Variants in USP49 observed in about 807,000 individuals in gnomAD.
USP49 encodes ubiquitin carboxyl-terminal hydrolase 49.
USP49 carries 24 observed loss-of-function variants against 58.6 expected under a neutral mutation model. The ratio of observed to expected loss-of-function variants is 0.41; its 90% CI spans 0.30 to 0.58. The LOEUF is 0.58. Ranked by LOEUF, USP49 falls within the 20% of genes least tolerant of loss-of-function variation. The pLI is 0.30. For missense variants in USP49, 703 were observed against 866.1 expected, an observed-to-expected ratio of 0.81 and a Z score of 2.36; for synonymous variants, 408 against 365.1, an observed-to-expected ratio of 1.12 and a Z score of -1.34.
At chr6:41,872,190 T>C (rs1774421806) in intron 2 of USP49, among the ~76,000 whole-genome samples, 1 of 152,222 alleles carries the variant, frequency 6.6e-6, no homozygotes, top group South Asian at 2.1e-4. Context: ...TGACAAATTA[T>C]ATGTATAAGC....
intron 3 of USP49, among the ~76,000 whole-genome samples, chr6:41,829,540 T>C (rs957298567): frequency 6.6e-6 from 1 of 152,236 alleles, no homozygotes; most frequent in African/African-American, 2.4e-5. Context: ...CTTGAACTCC[T>C]GACCTCAGGT....
chr6:41,821,646 C>T lies in USP49; in HGVS notation c.-28-14635G>A, dbSNP rs371045570. ...AAACTTAGTTGGGTGTGGTGGTGGG[C>T]GCCTGTAATCCCAGCTACTCTGGAG... On this transcript the variant is annotated intron_variant, in intron 3 of 7. Transcript: ENST00000682992. Among the ~76,000 whole-genome samples, 15 of 151,932 alleles carry T rather than the reference C, an allele frequency of 9.9e-5. No homozygotes were observed. The South Asian group carries it at 2.7e-3, about 27-fold the overall frequency.
At chr6:41,821,972 C>T (rs1034783051) in intron 3 of USP49, among the ~76,000 whole-genome samples, 4 of 152,152 alleles carry the variant, frequency 2.6e-5, no homozygotes, top group African/African-American at 9.7e-5. Flanking sequence ...ACAGATCCAG[C>T]ACAGTATTCA....
intron 2 of USP49, among the ~76,000 whole-genome samples, chr6:41,877,237 T>C (rs1452937802): frequency 6.6e-6 from 1 of 152,228 alleles, no homozygotes; most frequent in Non-Finnish European, 1.5e-5. Flanking sequence ...GTTTGAATTA[T>C]TGTGAAATAC....
intron 2 of USP49, among the ~76,000 whole-genome samples, chr6:41,888,714 A>C (rs2127366430): frequency 6.6e-6 from 1 of 152,246 alleles, no homozygotes; most frequent in African/African-American, 2.4e-5. Context: ...CAGCCTCCCA[A>C]AGGGCTGGGA....
intron 3 of USP49, among the ~76,000 whole-genome samples, chr6:41,829,683 T>G (rs1366174187): frequency 6.6e-6 from 1 of 152,216 alleles, no homozygotes; most frequent in Admixed American, 6.5e-5. Flanking sequence ...CTCTTTCTTG[T>G]CTTCTGGAAT....
At chr6:41,818,536 T>C (rs1416099007) in intron 3 of USP49, among the ~76,000 whole-genome samples, 1 of 152,176 alleles carries the variant, frequency 6.6e-6, no homozygotes, top group Non-Finnish European at 1.5e-5. Flanking sequence ...AGGCCATTCA[T>C]AGGGCTGATG....
intron 2 of USP49, among the ~76,000 whole-genome samples, chr6:41,873,356 T>A (rs1774448801): frequency 6.6e-6 from 1 of 152,148 alleles, no homozygotes; most frequent in Non-Finnish European, 1.5e-5. Context: ...GGGAGCCAAG[T>A]TTCACATGTG....
At chr6:41,858,650 G>T (rs1774170695) in intron 3 of USP49, among the ~76,000 whole-genome samples, 1 of 148,038 alleles carries the variant, frequency 6.8e-6, no homozygotes, top group African/African-American at 2.5e-5. Context: ...GTGCAATTCT[G>T]TTTTTTTTTT....
intron 5 of USP49, among the ~76,000 whole-genome samples, chr6:41,802,395 ATTTTATTTTATT>A (rs1298211170): frequency 2.4e-4 from 28 of 118,696 alleles, no homozygotes; most frequent in African/African-American, 8.4e-4. Flanking sequence ...ATTTTATTTT[ATTTTATTTTATT>A]TTTTATTTTA....
rs1408008575 is a variant in USP49, at chr6:41,794,186, T to G, written c.*2347A>C. The G allele has an allele frequency of 6.6e-6, 1 of 152,314 alleles. No individual in the cohort carries two copies. The highest frequency in any genetic ancestry group is 1.5e-5 in the Non-Finnish European group (1 of 68,052). The allele number at this position is 152,314 out of a possible 1,614,324, so 9.4% of individuals were successfully genotyped here. A position where few individuals can be genotyped will look rare whatever the true frequency, so the allele number is the denominator to read the frequency against. On this transcript the variant is annotated 3_prime_UTR_variant, in exon 8 of 8. Transcript: ENST00000682992. Reference sequence around the variant, plus strand: ...GTACCTGAGGTGTCTGTAACTGCAGTGGGCACCTTTCACAAATGTGTAGCT... The same window carrying G: ...GTACCTGAGGTGTCTGTAACTGCAGGGGGCACCTTTCACAAATGTGTAGCT...
intron 2 of USP49, among the ~76,000 whole-genome samples, chr6:41,877,247 C>T (rs761984119): frequency 3.3e-5 from 5 of 152,262 alleles, no homozygotes; most frequent in Non-Finnish European, 5.9e-5. Flanking sequence ...TTGTGAAATA[C>T]AAAGGGTAGC....
Position 41,795,844 on chromosome 6 carries a change from AG to A in USP49, c.*688del, listed in dbSNP as rs1474382015. On this transcript the variant is annotated 3_prime_UTR_variant, in exon 8 of 8. Coordinates refer to ENST00000682992, the MANE Select transcript of USP49 (RefSeq NM_001286554.2). ...ATGACCTGCCCCTTCTTTAGAATGAAGGGGTATTCATGCCAGTCTCAGAAGT... is the reference window on the plus strand; with the variant it reads ...ATGACCTGCCCCTTCTTTAGAATGAAGGGTATTCATGCCAGTCTCAGAAGT... The A allele has an allele frequency of 1.3e-5, 2 of 152,176 alleles. No individual in the cohort carries two copies. Among genetic ancestry groups the A allele is most frequent in the African/African-American group, 2.4e-5 (1 of 41,426 alleles). 9.4% of individuals were successfully genotyped at this position (152,176 alleles called of 1,614,324 possible).
chr6:41,876,303 C>G lies in USP49; in HGVS notation c.-102-4666G>C, dbSNP rs150027395. Reference sequence around the variant, plus strand: ...CTGCCAATGAATCAATGGCTCAAAACCTGAGTTAGATACTTTCTCTGCATT... The same window carrying G: ...CTGCCAATGAATCAATGGCTCAAAAGCTGAGTTAGATACTTTCTCTGCATT... On this transcript the variant is annotated intron_variant, in intron 2 of 7. Coordinates refer to ENST00000682992, the MANE Select transcript of USP49 (RefSeq NM_001286554.2). Among the ~76,000 whole-genome samples, 1,458 of 152,084 alleles carry G rather than the reference C, an allele frequency of 9.6e-3. 16 individuals are homozygous for G. The highest frequency in any genetic ancestry group is 0.041 in the Middle Eastern group (12 of 294).
Position 41,806,242 on chromosome 6 carries a change from T to C in USP49, c.742A>G (p.Met248Val), listed in dbSNP as rs763553976. The change falls in exon 4 of 8, where the codon ATG (methionine) becomes GTG (valine). Residue 248 changes from methionine (M) to valine (V), a missense_variant. By Grantham distance (21) the Met-to-Val change is conservative. This residue lies in a region of USP49 where 376 missense variants were observed against 373.5 expected (regional missense o/e 1.01). Transcript: ENST00000682992. The surrounding 1 kb of genome is among the most constrained non-coding windows in gnomAD (Gnocchi z 5.9). The part of the protein sequence containing the change: ...ATLKLRRQPA[M>V]APGVTGLRNL... ...CGCAGGCCCGTGACGCCTGGGGCCA[T>C]GGCCGGCTGGCGACGCAGCTTGAGT... The C allele has an allele frequency of 1.1e-5, 17 of 1,609,540 alleles. No homozygotes were observed. Among genetic ancestry groups the C allele is most frequent in the Non-Finnish European group, 1.4e-5 (17 of 1,179,946 alleles).
At chr6:41,890,402 A>G (rs1774792095) in intron 2 of USP49, among the ~76,000 whole-genome samples, 1 of 151,200 alleles carries the variant, frequency 6.6e-6, no homozygotes, top group African/African-American at 2.4e-5. Flanking sequence ...CGAGTGGATC[A>G]ATTTACTTAA....
rs548174175 is a variant in USP49 at position 41,869,048 on chromosome 6, G to A, written c.-29+2516C>T. 2.0e-5 allele frequency: 3 copies of A among 149,122 alleles called. 1 individual carries two copies. The highest frequency in any genetic ancestry group is 7.4e-5 in the African/African-American group (3 of 40,582). The allele number at this position is 149,122 out of a possible 1,614,324, so 9.2% of individuals were successfully genotyped here. ...CAAAGTGCTGGGATTACAGGCGTAA[G>A]CCACCACATCTGGCCTGTTTCTGTT... On this transcript the variant is annotated intron_variant, in intron 3 of 7. Transcript: ENST00000682992.
At position 41,791,344 on chromosome 6, in the gene USP49, C is replaced by G. The variant is rs1052895131; in HGVS notation, c.*5189G>C. 1 of 152,214 alleles carries G rather than the reference C, an allele frequency of 6.6e-6. No individual in the cohort carries two copies. Among genetic ancestry groups the G allele is most frequent in the African/African-American group, 2.4e-5 (1 of 41,460 alleles). 9.4% of individuals were successfully genotyped at this position (152,214 alleles called of 1,614,324 possible). On this transcript the variant is annotated 3_prime_UTR_variant, in exon 8 of 8. Transcript: ENST00000682992. The stretch of plus-strand genomic sequence containing the variant: ...CAGGCTGGTCTTGAGCTCCTGGCCT[C>G]AAGCAATCCTCCCACCTTGGCCTCC...
intron 3 of USP49, among the ~76,000 whole-genome samples, chr6:41,836,154 GAAA>G (rs1773723778): frequency 2.0e-5 from 3 of 152,014 alleles, no homozygotes; most frequent in Admixed American, 6.6e-5. Context: ...GAAGGGAGTT[GAAA>G]AAGAAGGGGG....
Sources: gnomAD v4.1 joint callset for allele counts (sites outside exome capture counted in the v4.1 genomes callset) on GRCh38, gnomAD v4.1.1 for gene constraint, gnomAD v4.1.1 regional missense constraint, Gnocchi (gnomAD v3.1) non-coding constraint, MANE v1.5 for transcripts, NCBI Gene and HGNC (gene_info 2026-07-23, HGNC 2026-07-21) for gene names.